CDH4: variants seen among roughly 807,000 people sequenced by gnomAD.
CDH4 encodes the protein cadherin 4.
In CDH4, 33 loss-of-function variants were observed where a neutral mutation model predicts 86.0. That is an observed-to-expected ratio of 0.38 (90% CI 0.29 to 0.51). The LOEUF (loss-of-function observed/expected upper bound fraction) is 0.51. Among genes scored for constraint, CDH4 ranks in the 20% least tolerant of loss-of-function variants. The pLI is 0.86. For missense variants in CDH4, 1,114 were observed against 1,307.4 expected (o/e 0.85, Z 2.28); for synonymous variants, 555 against 549.4 (o/e 1.01, Z -0.14).
intron 2 of CDH4, among the ~76,000 whole-genome samples, chr20:61,428,337 T>C (rs895109515): frequency 1.3e-5 from 2 of 152,156 alleles, no homozygotes; most frequent in African/African-American, 4.8e-5. Context: ...GCCCCAGAAA[T>C]TCTACTCATG....
At chr20:61,381,150 G>A (rs559042780) in intron 2 of CDH4, among the ~76,000 whole-genome samples, 2 of 152,272 alleles carry the variant, frequency 1.3e-5, no homozygotes, top group East Asian at 1.9e-4. Flanking sequence ...TAGTGATCTC[G>A]AATGAGGCTC....
At chr20:61,653,668 C>T (rs1600843143) in intron 2 of CDH4, among the ~76,000 whole-genome samples, 53 of 78,440 alleles carry the variant, frequency 6.8e-4, no homozygotes, top group Middle Eastern at 7.4e-3. Flanking sequence ...ACTTCTCAGA[C>T]AGGGCGGCCG....
At chr20:61,715,960 C>T (rs2087948000) in intron 2 of CDH4, among the ~76,000 whole-genome samples, 1 of 152,242 alleles carries the variant, frequency 6.6e-6, no homozygotes, top group Non-Finnish European at 1.5e-5. Flanking sequence ...GACAAAGTTC[C>T]ACAGCCCCCT....
chr20:61,325,406 T>G (rs2084531551), intron 2 of CDH4, among the ~76,000 whole-genome samples: 1 of 152,112 alleles, frequency 6.6e-6, no homozygotes. Context: ...TACCTGTAGA[T>G]AGTAGGGCCT....
At chr20:61,667,294 GCA>G (rs1187641797) in intron 2 of CDH4, among the ~76,000 whole-genome samples, 2 of 152,178 alleles carry the variant, frequency 1.3e-5, no homozygotes, top group Admixed American at 6.5e-5. Flanking sequence ...AGCCCTCGAT[GCA>G]CATCCCGCCC....
Position 61,522,427 on chromosome 20 carries a change from G to A in CDH4, c.170-221136G>A, listed in dbSNP as rs892716211. On this transcript the variant is annotated intron_variant, in intron 2 of 15. Transcript: ENST00000614565. The stretch of plus-strand genomic sequence containing the variant: ...GTAACCATGTGTGAGGTGCTGCGCC[G>A]TCCCTGACACCAAATGTCGCATCCA... 1.6e-4 allele frequency among the ~76,000 whole-genome samples: 25 copies of A among 152,306 alleles called. No individual in the cohort carries two copies. The East Asian group carries it at 2.7e-3, about 16-fold the overall frequency.
At chr20:61,585,776 G>T (rs62199249) in intron 2 of CDH4, among the ~76,000 whole-genome samples, 6 of 27,334 alleles carry the variant, frequency 2.2e-4, no homozygotes, top group Non-Finnish European at 5.6e-4. Flanking sequence ...TGATGGTGAT[G>T]GTGATTGTGA....
chr20:61,683,145 G>T (rs1258559145), intron 2 of CDH4, among the ~76,000 whole-genome samples: 1 of 152,132 alleles, frequency 6.6e-6, no homozygotes, highest in East Asian at 1.9e-4. Flanking sequence ...GTGTTTATGG[G>T]AGTTTATAGG....
At chr20:61,311,275 GA>G (rs1357681271) in intron 2 of CDH4, among the ~76,000 whole-genome samples, 6 of 151,818 alleles carry the variant, frequency 4.0e-5, no homozygotes, top group Admixed American at 3.9e-4. Flanking sequence ...TTGTTGAACA[GA>G]AAAAAAAGTA....
At chr20:61,919,577 G>C in intron 9 of CDH4, among the ~76,000 whole-genome samples, 1 of 152,270 alleles carries the variant, frequency 6.6e-6, no homozygotes, top group East Asian at 1.9e-4. Flanking sequence ...GCGGGACATG[G>C]TGCCCTCATG....
At chr20:61,577,394 G>C (rs1466111608) in intron 2 of CDH4, among the ~76,000 whole-genome samples, 2 of 152,180 alleles carry the variant, frequency 1.3e-5, no homozygotes, top group Non-Finnish European at 2.9e-5. Context: ...TTTGTATATT[G>C]AAGGATGAGT....
intron 2 of CDH4, among the ~76,000 whole-genome samples, chr20:61,486,523 C>T (rs1471868809): frequency 6.6e-6 from 1 of 152,238 alleles, no homozygotes; most frequent in African/African-American, 2.4e-5. Context: ...CATGTGCTGG[C>T]CTTAGGATTT....
At position 61,928,362 on chromosome 20, in the gene CDH4, C is replaced by G. The variant is rs779701935; in HGVS notation, c.1944C>G (p.Val648=). ...TCGACCCCAACATCGGCCCCTACGTCTTCGAGCTGCCCTTTGTCCCGGCGG... is the reference window on the plus strand; with the variant it reads ...TCGACCCCAACATCGGCCCCTACGTGTTCGAGCTGCCCTTTGTCCCGGCGG... ...ADVDPNIGPY[V]FELPFVPAAV... The change falls in exon 12 of 16, where the codon GTC becomes GTG. Residue 648 remains valine (V), a synonymous_variant. Transcript: ENST00000614565. The G allele has an allele frequency of 8.7e-6, 14 of 1,611,712 alleles. No individual in the cohort carries two copies. The South Asian group carries it at 8.8e-5, about 10-fold the overall frequency.
At chr20:61,313,145 C>T (rs1160510446) in intron 2 of CDH4, among the ~76,000 whole-genome samples, 2 of 152,184 alleles carry the variant, frequency 1.3e-5, no homozygotes, top group African/African-American at 4.8e-5. Context: ...CTCATCGAGG[C>T]CTGGTCGTGT....
rs545105910 is a variant in CDH4 at position 61,485,313 on chromosome 20, G to A, written c.169+230376G>A. 2.6e-5 allele frequency among the ~76,000 whole-genome samples: 4 copies of A among 152,276 alleles called. No homozygotes were observed. The East Asian group carries it at 7.7e-4, about 29-fold the overall frequency. On this transcript the variant is annotated intron_variant, in intron 2 of 15. Coordinates refer to ENST00000614565, the MANE Select transcript of CDH4 (RefSeq NM_001794.5). ...CCTCCAACGCTTGGCTGGATTTGGG[G>A]TGGCTATTGTGGATCACAGCACCAC...
chr20:61,563,339 A>G, intron 2 of CDH4, among the ~76,000 whole-genome samples: 1 of 152,250 alleles, frequency 6.6e-6, no homozygotes, highest in East Asian at 1.9e-4. Context: ...CTTGGGAAGA[A>G]GGACCCTTGT....
At chr20:61,785,877 G>C (rs78480518) in intron 4 of CDH4, among the ~76,000 whole-genome samples, 3 of 152,142 alleles carry the variant, frequency 2.0e-5, no homozygotes, top group Non-Finnish European at 2.9e-5. Flanking sequence ...GCCAGGGAGC[G>C]TGCGAGCGAG....
chr20:61,922,518 C>T (rs966422710), intron 9 of CDH4, among the ~76,000 whole-genome samples: 3 of 152,172 alleles, frequency 2.0e-5, no homozygotes, highest in Admixed American at 2.0e-4. Flanking sequence ...GCTGCGGTTA[C>T]AAGTCACCAC....
chr20:61,813,382 C>T (rs1980539379), intron 4 of CDH4, among the ~76,000 whole-genome samples: 1 of 152,206 alleles, frequency 6.6e-6, no homozygotes, highest in Non-Finnish European at 1.5e-5. Flanking sequence ...CTCCCCAGTG[C>T]CCCACATGTG....
Sources: allele counts gnomAD v4.1 joint callset (sites outside exome capture counted in the v4.1 genomes callset), GRCh38; gene constraint gnomAD v4.1.1; transcripts MANE v1.5; gene names NCBI Gene and HGNC (gene_info 2026-07-23, HGNC 2026-07-21).